Variants in ZNF385B observed in about 807,000 individuals in gnomAD.
ZNF385B encodes zinc finger protein 385B, also known as zinc finger protein 533.
Under a neutral mutation model 39.2 loss-of-function variants are expected in ZNF385B, and 23 were observed. That is an observed-to-expected ratio of 0.59 (90% CI 0.42 to 0.83). The LOEUF is 0.83. ZNF385B is among the 40% of genes least tolerant of loss of function. The pLI, the probability that ZNF385B is intolerant of heterozygous loss-of-function variation, is 0.00. For missense variants in ZNF385B, 552 were observed against 598.9 expected (o/e 0.92, Z 0.82); for synonymous variants, 205 against 222.6 (o/e 0.92, Z 0.70).
At chr2:179,815,717 G>A (rs998623933) in intron 1 of ZNF385B, among the ~76,000 whole-genome samples, 1 of 151,994 alleles carries the variant, frequency 6.6e-6, no homozygotes, top group Non-Finnish European at 1.5e-5. Context: ...CAAATTCAGT[G>A]GTCAATTCAC....
At chr2:179,786,914 ACT>A (rs1705040755) in intron 1 of ZNF385B, among the ~76,000 whole-genome samples, 1 of 151,908 alleles carries the variant, frequency 6.6e-6, no homozygotes, top group Non-Finnish European at 1.5e-5. Flanking sequence ...TTTATTTCTT[ACT>A]CTCACAATAC....
intron 4 of ZNF385B, among the ~76,000 whole-genome samples, chr2:179,533,627 G>A (rs1013817280): frequency 6.6e-6 from 1 of 152,054 alleles, no homozygotes; most frequent in Non-Finnish European, 1.5e-5. Context: ...GGAGGAGTGG[G>A]TAGGGTAAAG....
intron 6 of ZNF385B, among the ~76,000 whole-genome samples, chr2:179,480,374 C>T (rs1362475740): frequency 5.3e-5 from 8 of 152,136 alleles, no homozygotes; most frequent in Non-Finnish European, 1.0e-4. Context: ...CTTCTTTCTC[C>T]TTACATTTTA....
At chr2:179,473,347 C>T (rs959884270) in intron 6 of ZNF385B, among the ~76,000 whole-genome samples, 10 of 152,078 alleles carry the variant, frequency 6.6e-5, no homozygotes, top group African/African-American at 1.4e-4. Flanking sequence ...TGTCATGAAA[C>T]GATCATAGAG....
At chr2:179,778,167 G>T (rs1704453145) in intron 1 of ZNF385B, among the ~76,000 whole-genome samples, 1 of 152,112 alleles carries the variant, frequency 6.6e-6, no homozygotes, top group African/African-American at 2.4e-5. Flanking sequence ...ATCTTTATTG[G>T]CTGGGCTCCA....
intron 3 of ZNF385B, among the ~76,000 whole-genome samples, chr2:179,708,763 A>C (rs1340942849): frequency 6.6e-6 from 1 of 152,196 alleles, no homozygotes. Context: ...GAAGAGTGGC[A>C]CTGAAACAAT....
chr2:179,625,618 G>A (rs1306880626), intron 3 of ZNF385B, among the ~76,000 whole-genome samples: 1 of 152,040 alleles, frequency 6.6e-6, no homozygotes, highest in Non-Finnish European at 1.5e-5. Flanking sequence ...ACTACTGTGT[G>A]TGTGAGGTGC....
chr2:179,533,820 G>A (rs923344156), intron 4 of ZNF385B, among the ~76,000 whole-genome samples: 2 of 152,142 alleles, frequency 1.3e-5, no homozygotes, highest in African/African-American at 4.8e-5. Context: ...ATATTTGGAA[G>A]TCAACAGTAT....
intron 3 of ZNF385B, among the ~76,000 whole-genome samples, chr2:179,612,053 C>T (rs1689331491): frequency 6.6e-6 from 1 of 151,922 alleles, no homozygotes; most frequent in African/African-American, 2.4e-5. Context: ...TTTTTAATTC[C>T]AGAATTTCTG....
intron 6 of ZNF385B, among the ~76,000 whole-genome samples, chr2:179,468,584 A>G (rs2052376878): frequency 6.6e-6 from 1 of 152,150 alleles, no homozygotes; most frequent in Non-Finnish European, 1.5e-5. Context: ...TTTGAAATGA[A>G]TGGCTCTTTA....
intron 3 of ZNF385B, among the ~76,000 whole-genome samples, chr2:179,659,679 CA>C (rs757318183): frequency 2.0e-5 from 3 of 152,004 alleles, no homozygotes; most frequent in Non-Finnish European, 4.4e-5. Flanking sequence ...CACATAGAAC[CA>C]GTCCTTTTTA....
chr2:179,605,757 G>T (rs571664857), intron 3 of ZNF385B, among the ~76,000 whole-genome samples: 1 of 152,218 alleles, frequency 6.6e-6, no homozygotes, highest in Non-Finnish European at 1.5e-5. Flanking sequence ...ACTAATTCAT[G>T]TCCTTAAGTA....
rs7574345 is a variant in ZNF385B, at chr2:179,770,509, C to A, written c.-3+12G>T. ...GTAACAAAGAACAAAATACTGTATGCCTGCAACTTACATTGGGTTGTGTTC... is the reference window on the plus strand; with the variant it reads ...GTAACAAAGAACAAAATACTGTATGACTGCAACTTACATTGGGTTGTGTTC... On this transcript the variant is annotated intron_variant, in intron 2 of 9. Transcript: ENST00000410066. The A allele has an allele frequency of 6.6e-6, 1 of 152,012 alleles. No individual in the cohort carries two copies. The highest frequency in any genetic ancestry group is 1.5e-5 in the Non-Finnish European group (1 of 68,002). 9.4% of individuals were successfully genotyped at this position (152,012 alleles called of 1,614,324 possible).
chr2:179,709,184 A>T (rs1699824909), intron 3 of ZNF385B, among the ~76,000 whole-genome samples: 1 of 152,194 alleles, frequency 6.6e-6, no homozygotes, highest in African/African-American at 2.4e-5. Context: ...GTGGCCACAG[A>T]TCTCAGCGGA....
intron 3 of ZNF385B, 92 bp from the exon 4 acceptor site, chr2:179,545,061 C>A: frequency 6.5e-7 from 1 of 1,530,564 alleles, no homozygotes; most frequent in Non-Finnish European, 9.0e-7. Flanking sequence ...TGTTGAGCTG[C>A]AACTTGCAAG....
chr2:179,502,009 T>A (rs981053328), intron 5 of ZNF385B, among the ~76,000 whole-genome samples: 2 of 152,346 alleles, frequency 1.3e-5, no homozygotes, highest in South Asian at 2.1e-4. Flanking sequence ...TACAAAGTTG[T>A]GCCATCATTA....
At chr2:179,832,508 T>C (rs1233897342) in intron 1 of ZNF385B, among the ~76,000 whole-genome samples, 1 of 152,190 alleles carries the variant, frequency 6.6e-6, no homozygotes, top group African/African-American at 2.4e-5. Context: ...AAATAATTAT[T>C]AGGTTTTAGG....
chr2:179,730,124 C>G (rs1416953795), intron 3 of ZNF385B, among the ~76,000 whole-genome samples: 1 of 152,212 alleles, frequency 6.6e-6, no homozygotes, highest in African/African-American at 2.4e-5. Context: ...ATCTATTTAA[C>G]ACTGCATTGG....
intron 3 of ZNF385B, among the ~76,000 whole-genome samples, chr2:179,674,516 G>A (rs1274773734): frequency 2.0e-5 from 3 of 152,266 alleles, no homozygotes; most frequent in African/African-American, 7.2e-5. Context: ...TTATTTTAAA[G>A]TCATTATCAA....
Sources: gnomAD v4.1 joint callset for allele counts (sites outside exome capture counted in the v4.1 genomes callset) on GRCh38, gnomAD v4.1.1 for gene constraint, MANE v1.5 for transcripts, NCBI Gene and HGNC (gene_info 2026-07-23, HGNC 2026-07-21) for gene names.